AREL1: variants seen among roughly 807,000 people sequenced by gnomAD.
The protein encoded by AREL1 is apoptosis resistant E3 ubiquitin protein ligase 1.
A neutral mutation model predicts 99.0 loss-of-function variants in AREL1; 62 were observed. That is an observed-to-expected ratio of 0.63 (90% confidence interval 0.51 to 0.77). AREL1 has a LOEUF of 0.77. Ranked by LOEUF, AREL1 falls within the 30% of genes least tolerant of loss-of-function variation. AREL1 has a pLI of 0.00. For missense variants in AREL1, 879 were observed against 1,027.6 expected (o/e 0.86, Z 1.98); for synonymous variants, 380 against 376.5 (o/e 1.01, Z -0.11).
At chr14:74,710,263 T>C (rs2090255779) in intron 1 of AREL1, among the ~76,000 whole-genome samples, 1 of 152,236 alleles carries the variant, frequency 6.6e-6, no homozygotes, top group Non-Finnish European at 1.5e-5. Context: ...TTATCCCCCA[T>C]GGTGTTCCTA....
intron 1 of AREL1, chr14:74,698,858 T>TAAA (rs547639633): frequency 0.014 from 1,563 of 110,194 alleles, 12 homozygotes; most frequent in Non-Finnish European, 0.019. Flanking sequence ...ATCCCATCTC[T>TAAA]AAAAAAAAAA....
At chr14:74,669,584 T>A in intron 15 of AREL1, 65 bp downstream of exon 15, 1 of 1,555,128 alleles carries the variant, frequency 6.4e-7, no homozygotes, top group Non-Finnish European at 8.7e-7. Context: ...AAAGTTCTCT[T>A]AGACAGTCCT....
At chr14:74,691,803 A>G (rs992208046) in intron 2 of AREL1, among the ~76,000 whole-genome samples, 1 of 152,238 alleles carries the variant, frequency 6.6e-6, no homozygotes, top group African/African-American at 2.4e-5. Context: ...AAGATTTTTA[A>G]TTACAGTAGC....
chr14:74,673,094 G>A lies in AREL1; in HGVS notation c.1283C>T (p.Ser428Phe). ...RNILAATFIR[S>F]LHKNIGGSET... ...AACCTCACCTATGTTCTTATGCAGGGAGCGGATAAAAGTGGCTGCTAGAAT... is the reference window on the plus strand; with the variant it reads ...AACCTCACCTATGTTCTTATGCAGGAAGCGGATAAAAGTGGCTGCTAGAAT... The change falls in exon 10 of 20, where the codon TCC becomes TTC. Residue 428 changes from serine to phenylalanine, a missense_variant. Transcript: ENST00000356357. 12 of 1,614,134 alleles carry A rather than the reference G, an allele frequency of 7.4e-6. No individual in the cohort carries two copies. The highest frequency in any genetic ancestry group is 1.0e-5 in the Non-Finnish European group (12 of 1,180,038).
Position 74,673,148 on chromosome 14 carries a change from G to T in AREL1, c.1229C>A (p.Pro410His), listed in dbSNP as rs1426643570. 6.2e-7 allele frequency: 1 copy of T among 1,614,094 alleles called. No individual in the cohort carries two copies. The highest frequency in any genetic ancestry group is 1.3e-5 in the African/African-American group (1 of 74,940). ...TLVVDDGIQP[P>H]VELSCKERNI... ...CCTCTCCTTACAGCTGAGCTCCACA[G>T]GAGGTTGAATGCCATCATCCACCAC... The change falls in exon 10 of 20, where the codon CCT becomes CAT. Residue 410 changes from proline (P) to histidine (H), a missense_variant. By Grantham distance (77) the Pro-to-His change is moderately conservative. Transcript: ENST00000356357.
At position 74,684,700 on chromosome 14, in the gene AREL1, C is replaced by CATTAT. The variant is rs751868063; in HGVS notation, c.17-21_17-20insATAAT. 3.1e-6 allele frequency: 5 copies of CATTAT among 1,607,236 alleles called. No homozygotes were observed. The highest frequency in any genetic ancestry group is 4.3e-6 in the Non-Finnish European group (5 of 1,174,310). ...TTCCACCTATGCAAAAGAGAGAACA[C>CATTAT]ACAAACCGCCTGCCAGTTACACATT... is the stretch of plus-strand genomic sequence containing the variant. On this transcript the variant is annotated intron_variant, in intron 3 of 19. Coordinates refer to ENST00000356357, the MANE Select transcript of AREL1 (RefSeq NM_001039479.2).
At chr14:74,681,843 G>T (rs1219990024) in intron 5 of AREL1, among the ~76,000 whole-genome samples, 1 of 151,712 alleles carries the variant, frequency 6.6e-6, no homozygotes, top group African/African-American at 2.4e-5. Context: ...GCAACATAAG[G>T]GATCCTTGTG....
chr14:74,667,291 A>C (rs2089229343), intron 17 of AREL1, 28 bp downstream of exon 17: 1 of 1,613,920 alleles, frequency 6.2e-7, no homozygotes, highest in African/African-American at 1.3e-5. Context: ...CCAAGTTAAG[A>C]ATGGGAGTCT....
intron 1 of AREL1, among the ~76,000 whole-genome samples, chr14:74,698,607 G>C (rs904140454): frequency 2.0e-5 from 3 of 152,212 alleles, no homozygotes; most frequent in Admixed American, 2.0e-4. Flanking sequence ...CGCCATGGGA[G>C]AAGGACAATG....
rs1353554363 is a variant in AREL1 at position 74,671,429 on chromosome 14, C to T, written c.1477G>A (p.Val493Ile). ...SISDWSKNFE[V>I]VFQDEEALDW... ...TGACCTTCTTCATCCTGGAAAACAA[C>T]CTCAAAGTTCTTGCTCCAATCTGAG... The change falls in exon 12 of 20, where the codon GTT becomes ATT. Residue 493 changes from valine to isoleucine, a missense_variant. Physicochemically the swap from Val to Ile is conservative, Grantham distance 29 (BLOSUM62 3). Coordinates refer to ENST00000356357, the MANE Select transcript of AREL1 (RefSeq NM_001039479.2). 1 of 1,474,640 alleles carries T rather than the reference C, an allele frequency of 6.8e-7. No individual in the cohort carries two copies. The highest frequency in any genetic ancestry group is 1.5e-5 in the African/African-American group (1 of 67,114). 91.3% of individuals were successfully genotyped at this position (1,474,640 alleles called of 1,614,324 possible). A position where few individuals can be genotyped will look rare whatever the true frequency, so the allele number is the denominator to read the frequency against.
chr14:74,664,811 A>T lies in AREL1; in HGVS notation c.2193+25T>A, dbSNP rs558761373. The stretch of plus-strand genomic sequence containing the variant: ...TTCCTTATAACATGGCACAAATCCA[A>T]CTGAAAGAAGTTTGGTCCATTTACC... On this transcript the variant is annotated intron_variant, in intron 18 of 19. Coordinates refer to ENST00000356357, the MANE Select transcript of AREL1 (RefSeq NM_001039479.2). The T allele has an allele frequency of 5.8e-5, 93 of 1,604,140 alleles. 1 individual carries two copies. The South Asian group carries it at 9.2e-4, about 16-fold the overall frequency.
intron 1 of AREL1, among the ~76,000 whole-genome samples, chr14:74,708,495 G>A (rs906209406): frequency 2.6e-5 from 4 of 152,076 alleles, no homozygotes; most frequent in Non-Finnish European, 4.4e-5. Context: ...CATATATACC[G>A]GGGGTACCTT....
At chr14:74,682,822 C>T (rs963407556) in intron 5 of AREL1, among the ~76,000 whole-genome samples, 8 of 152,270 alleles carry the variant, frequency 5.3e-5, no homozygotes, top group African/African-American at 1.9e-4. Flanking sequence ...CCATTAGGCA[C>T]TCCTGCTCCC....
intron 1 of AREL1, among the ~76,000 whole-genome samples, chr14:74,697,505 A>T (rs558833621): frequency 6.6e-6 from 1 of 152,330 alleles, no homozygotes; most frequent in African/African-American, 2.4e-5. Flanking sequence ...CTCTTAGTTT[A>T]TACTCCCCAA....
intron 1 of AREL1, among the ~76,000 whole-genome samples, chr14:74,704,494 C>A (rs1207235921): frequency 6.6e-6 from 1 of 151,984 alleles, no homozygotes; most frequent in Non-Finnish European, 1.5e-5. Flanking sequence ...TTCTGATTAG[C>A]CCTTCCAAAG....
At chr14:74,691,486 T>C (rs765320666) in intron 2 of AREL1, among the ~76,000 whole-genome samples, 10 of 152,214 alleles carry the variant, frequency 6.6e-5, no homozygotes, top group Admixed American at 4.6e-4. Context: ...GAGAAAACAC[T>C]ATCCAATCTT....
chr14:74,694,990 GAAAA>G (rs548884827), intron 1 of AREL1, among the ~76,000 whole-genome samples: 1 of 82,836 alleles, frequency 1.2e-5, no homozygotes, highest in Non-Finnish European at 2.3e-5. Flanking sequence ...CTCTGTCTCG[GAAAA>G]AAAAAAAAAA....
Position 74,663,575 on chromosome 14 carries a change from G to T in AREL1, c.*145C>A. ...AGGTGAGGTAAAGACAAGGCTTGTA[G>T]GTGACAAAATCCTCCAGACACAGGG... On this transcript the variant is annotated 3_prime_UTR_variant, in exon 20 of 20. Transcript: ENST00000356357. 1 of 849,154 alleles carries T rather than the reference G, an allele frequency of 1.2e-6. No individual in the cohort carries two copies. Among genetic ancestry groups the T allele is most frequent in the Non-Finnish European group, 2.0e-6 (1 of 512,616 alleles). The allele number at this position is 849,154 out of a possible 1,614,324, so 52.6% of individuals were successfully genotyped here.
intron 5 of AREL1, among the ~76,000 whole-genome samples, chr14:74,681,282 T>G (rs1005291294): frequency 5.3e-5 from 8 of 152,148 alleles, no homozygotes; most frequent in African/African-American, 1.9e-4. Context: ...ATACTCAACC[T>G]GTACTACTCA....
Sources: allele counts gnomAD v4.1 joint callset (sites outside exome capture counted in the v4.1 genomes callset), GRCh38; gene constraint gnomAD v4.1.1; transcripts MANE v1.5; gene names NCBI Gene and HGNC (gene_info 2026-07-23, HGNC 2026-07-21).